Variants in NIPBL observed in about 807,000 individuals in gnomAD.
NIPBL encodes the protein NIPBL cohesin loading factor.
A neutral mutation model predicts 321.8 loss-of-function variants in NIPBL; 19 were observed. The ratio of observed to expected loss-of-function variants is 0.06; its 90% CI spans 0.04 to 0.09. The LOEUF (loss-of-function observed/expected upper bound fraction) is 0.09, where lower values mean the gene tolerates loss of function less well. Ranked by LOEUF, NIPBL falls within the 10% of genes least tolerant of loss-of-function variation. The pLI is 1.00. For missense variants in NIPBL, 2,210 were observed against 3,327.0 expected (o/e 0.66, Z 8.26); for synonymous variants, 1,106 against 1,114.1 (o/e 0.99, Z 0.14).
rs1580338669 is a variant in NIPBL, at chr5:36,961,597, A to G, written c.458+14A>G. On this transcript the variant is annotated intron_variant, in intron 5 of 46. Transcript: ENST00000282516. ...TAGCCCCTCCAGGTAATATATGTATATATCGTTTATTAAATATTGTCTTGT... is the reference window on the plus strand; with the variant it reads ...TAGCCCCTCCAGGTAATATATGTATGTATCGTTTATTAAATATTGTCTTGT... 1 of 1,406,220 alleles carries G rather than the reference A, an allele frequency of 7.1e-7. No homozygotes were observed. Among genetic ancestry groups the G allele is most frequent in the Non-Finnish European group, 1.0e-6 (1 of 990,448 alleles). The allele number at this position is 1,406,220 out of a possible 1,614,324, so 87.1% of individuals were successfully genotyped here. A position where few individuals can be genotyped will look rare whatever the true frequency, so the allele number is the denominator to read the frequency against.
chr5:36,924,099 A>G (rs1259811402), intron 1 of NIPBL, among the ~76,000 whole-genome samples: 3 of 152,188 alleles, frequency 2.0e-5, no homozygotes, highest in Admixed American at 6.5e-5. Context: ...TGATTAATCA[A>G]ACTAAATCAG....
intron 1 of NIPBL, among the ~76,000 whole-genome samples, chr5:36,917,478 AGCTCTTTAAT>A (rs1208243946): frequency 6.6e-5 from 10 of 152,070 alleles, no homozygotes; most frequent in Non-Finnish European, 1.5e-4. Context: ...GCTGTGCAGA[AGCTCTTTAAT>A]TAGATCCCAT....
At position 37,048,422 on chromosome 5, in the gene NIPBL, A is replaced by G. The variant is rs113861921; in HGVS notation, c.6590-80A>G. 6.4e-3 allele frequency: 5,659 copies of G among 878,648 alleles called. 27 individuals are homozygous for G. The highest frequency in any genetic ancestry group is 8.2e-3 in the Non-Finnish European group (5,188 of 630,832). 54.4% of individuals were successfully genotyped at this position (878,648 alleles called of 1,614,324 possible). A position where few individuals can be genotyped will look rare whatever the true frequency, so the allele number is the denominator to read the frequency against. On this transcript the variant is annotated intron_variant, in intron 38 of 46. Transcript: ENST00000282516. ...TTTTTTGAAATAAGGAGCCGTTTAT[A>G]TAATTTATTAACATATTTATTAAAT...
chr5:36,886,495 T>A, intron 1 of NIPBL: 1 of 758,432 alleles, frequency 1.3e-6, no homozygotes, highest in South Asian at 1.4e-5. Flanking sequence ...TCTGAGACAT[T>A]AAGTCAGCAG....
chr5:37,021,715 T>C (rs1433825276), intron 27 of NIPBL, among the ~76,000 whole-genome samples: 2 of 152,164 alleles, frequency 1.3e-5, no homozygotes, highest in Admixed American at 1.3e-4. Context: ...AACATTCAAC[T>C]ACCAAATTAT....
At chr5:36,906,588 C>G (rs893829377) in intron 1 of NIPBL, among the ~76,000 whole-genome samples, 2 of 152,080 alleles carry the variant, frequency 1.3e-5, no homozygotes, top group Non-Finnish European at 2.9e-5. Context: ...ACTTGCAAAA[C>G]GAAGTGAAGT....
intron 1 of NIPBL, among the ~76,000 whole-genome samples, chr5:36,880,435 G>T (rs1745418635): frequency 6.6e-6 from 1 of 152,004 alleles, no homozygotes; most frequent in African/African-American, 2.4e-5. Context: ...TAATTTGGAA[G>T]AAATTCTAAA....
intron 6 of NIPBL, among the ~76,000 whole-genome samples, chr5:36,968,100 A>AT (rs1742423376): frequency 6.7e-6 from 1 of 148,550 alleles, no homozygotes. Flanking sequence ...TGTCTCAAAA[A>AT]AAAAAAAAAA....
chr5:36,988,388 A>G (rs1745091383), intron 10 of NIPBL, among the ~76,000 whole-genome samples: 1 of 152,142 alleles, frequency 6.6e-6, no homozygotes, highest in South Asian at 2.1e-4. Context: ...ATGTAACTGC[A>G]ATTACAGTAA....
intron 44 of NIPBL, among the ~76,000 whole-genome samples, chr5:37,059,848 A>G (rs976441320): frequency 1.3e-5 from 2 of 152,330 alleles, no homozygotes; most frequent in Middle Eastern, 3.4e-3. Context: ...AAAGTACTCT[A>G]TAAAGTAAGA....
intron 1 of NIPBL, among the ~76,000 whole-genome samples, chr5:36,943,252 A>G (rs2149585814): frequency 6.6e-6 from 1 of 152,298 alleles, no homozygotes; most frequent in East Asian, 1.9e-4. Context: ...GCATCCTAAC[A>G]ATTAACAATT....
At chr5:36,911,832 A>G (rs1446952166) in intron 1 of NIPBL, among the ~76,000 whole-genome samples, 1 of 152,212 alleles carries the variant, frequency 6.6e-6, no homozygotes, top group Non-Finnish European at 1.5e-5. Flanking sequence ...AATAACTGAA[A>G]TTAGGAAAGC....
In NIPBL at chr5:37,064,853, A is replaced by G; in HGVS notation, c.8376A>G (p.Leu2792=). Residue 2792 remains leucine, a synonymous_variant, in exon 47 of 47, where the codon TTA becomes TTG. Transcript: ENST00000282516. ...NKLTNKVVQT[L]RSLYAAKDGT... is the part of the protein sequence containing the mutation. Reference sequence around the variant, plus strand: ...TGACTAATAAAGTTGTTCAGACTTTACGATCCCTGTATGCCGCCAAGGATG... The same window carrying G: ...TGACTAATAAAGTTGTTCAGACTTTGCGATCCCTGTATGCCGCCAAGGATG... 6.2e-7 allele frequency: 1 copy of G among 1,614,242 alleles called. No individual in the cohort carries two copies. The highest frequency in any genetic ancestry group is 8.5e-7 in the Non-Finnish European group (1 of 1,180,026).
At chr5:37,062,961 T>C (rs1754923020) in intron 45 of NIPBL, among the ~76,000 whole-genome samples, 2 of 152,236 alleles carry the variant, frequency 1.3e-5, no homozygotes, top group Middle Eastern at 3.4e-3. Context: ...TGGCAAATTT[T>C]ATGATATTTC....
intron 34 of NIPBL, among the ~76,000 whole-genome samples, chr5:37,043,781 C>T (rs1305007339): frequency 1.3e-5 from 2 of 152,196 alleles, no homozygotes; most frequent in African/African-American, 4.8e-5. Context: ...GGTTTCTCAA[C>T]CTCAGCACTA....
Position 36,970,964 on chromosome 5 carries a change from T to A in NIPBL, c.699T>A (p.Asn233Lys). 5.0e-6 allele frequency: 8 copies of A among 1,613,406 alleles called. No individual in the cohort carries two copies. The highest frequency in any genetic ancestry group is 6.8e-6 in the Non-Finnish European group (8 of 1,179,360). The change falls in exon 7 of 47, where the codon AAT becomes AAA. Residue 233 changes from asparagine to lysine, a missense_variant. By Grantham distance (94) the Asn-to-Lys change is moderately conservative. Around this residue, in one of 14 missense-constraint regions of NIPBL, gnomAD observed 464 missense variants for 529.5 expected, o/e 0.88. Coordinates refer to ENST00000282516, the MANE Select transcript of NIPBL (RefSeq NM_133433.4). ...GTCCGTTGTCTGGCAATTCAGCTAA[T>A]CATCATGCTGATAATCCTAGACATG... ...VSGPLSGNSA[N>K]HHADNPRHGS...
chr5:36,948,410 T>G (rs1739924118), intron 1 of NIPBL, among the ~76,000 whole-genome samples: 1 of 151,918 alleles, frequency 6.6e-6, no homozygotes, highest in African/African-American at 2.4e-5. Flanking sequence ...GGAAAATGCT[T>G]TAGTTATGTT....
Position 37,048,590 on chromosome 5 carries a change from A to G in NIPBL, c.6678A>G (p.Ser2226=), listed in dbSNP as rs1248807183. 7 of 1,600,058 alleles carry G rather than the reference A, an allele frequency of 4.4e-6. No individual in the cohort carries two copies. The African/African-American group carries it at 5.4e-5, about 12-fold the overall frequency. Residue 2226 remains serine, a synonymous_variant, in exon 39 of 47, where the codon TCA becomes TCG. Transcript: ENST00000282516. ...YNNILSDKNS[S]VNLKIQVLKN... ...ATATTTTATCTGATAAGAACTCCTCAGTCAATTTAAAAATACAAGTGTTAA... is the reference window on the plus strand; with the variant it reads ...ATATTTTATCTGATAAGAACTCCTCGGTCAATTTAAAAATACAAGTGTTAA...
At chr5:37,003,812 C>T (rs1398724475) in intron 16 of NIPBL, among the ~76,000 whole-genome samples, 3 of 152,172 alleles carry the variant, frequency 2.0e-5, no homozygotes, top group Non-Finnish European at 2.9e-5. Flanking sequence ...TAATGTTACA[C>T]ATTGTCAATT....
Sources: allele counts gnomAD v4.1 joint callset (sites outside exome capture counted in the v4.1 genomes callset), GRCh38; gene constraint gnomAD v4.1.1; regional missense constraint gnomAD v4.1.1; transcripts MANE v1.5; gene names NCBI Gene and HGNC (gene_info 2026-07-23, HGNC 2026-07-21).